The following FGGY variants were observed in gnomAD, a reference collection of about 807,000 sequenced individuals.
FGGY encodes FGGY carbohydrate kinase domain containing, also known as FGGY carbohydrate kinase domain-containing protein.
In FGGY, 72 loss-of-function variants were observed where a neutral mutation model predicts 71.3. The observed-to-expected ratio is 1.01, with a 90% CI of 0.84 to 1.23. The LOEUF is 1.23. FGGY is among the 50% of genes most tolerant of loss of function. The pLI is 0.00. For synonymous variants in FGGY, 251 were observed against 250.3 expected (o/e 1.00, Z -0.02); for missense variants, 668 against 682.3 (o/e 0.98, Z 0.23).
At chr1:59,342,883 G>A (rs2050991823) in intron 3 of FGGY, among the ~76,000 whole-genome samples, 1 of 152,154 alleles carries the variant, frequency 6.6e-6, no homozygotes, top group South Asian at 2.1e-4. Context: ...AGAAAATTCA[G>A]CATTAGTCTA....
chr1:59,697,885 C>T, intron 14 of FGGY: 2 of 372,048 alleles, frequency 5.4e-6, no homozygotes, highest in South Asian at 4.6e-5. Context: ...TCAAATAAGA[C>T]AAGCTTGGGT....
intron 5 of FGGY, chr1:59,393,105 C>T (rs543660163): frequency 7.9e-5 from 12 of 152,344 alleles, no homozygotes; most frequent in Non-Finnish European, 1.6e-4. Context: ...TTAATGGATT[C>T]CAAATGCCAT....
intron 8 of FGGY, among the ~76,000 whole-genome samples, chr1:59,579,134 A>G (rs909134354): frequency 3.9e-5 from 6 of 152,100 alleles, no homozygotes; most frequent in Non-Finnish European, 5.9e-5. Context: ...GTCCTCATTC[A>G]GATCGTTCTG....
intron 14 of FGGY, among the ~76,000 whole-genome samples, chr1:59,690,584 G>T (rs1432921762): frequency 1.3e-5 from 2 of 152,198 alleles, no homozygotes; most frequent in Admixed American, 1.3e-4. Context: ...TGCCATGTTT[G>T]CTGATCTCAC....
rs1037539849 is a variant in FGGY at position 59,297,151 on chromosome 1, G to A, written c.-15+1G>A. On this transcript the variant is annotated splice_donor_variant, in intron 1 of 15. Transcript: ENST00000303721. LOFTEE classifies it low-confidence loss of function (5UTR_SPLICE). Reference sequence around the variant, plus strand: ...TTGAGTCCCCTGTGTCCTCTTCTGGGTGAGGCGTCCGGCCACTTAAGGGAA... The same window carrying A: ...TTGAGTCCCCTGTGTCCTCTTCTGGATGAGGCGTCCGGCCACTTAAGGGAA... 1.3e-5 allele frequency: 2 copies of A among 152,522 alleles called. No homozygotes were observed. Among genetic ancestry groups the A allele is most frequent in the African/African-American group, 4.8e-5 (2 of 41,418 alleles). 9.4% of individuals were successfully genotyped at this position (152,522 alleles called of 1,614,324 possible).
rs566308659 is a variant in FGGY at position 59,534,481 on chromosome 1, C to T, written c.800-19643C>T. Among the ~76,000 whole-genome samples, 207 of 151,910 alleles carry T rather than the reference C, an allele frequency of 1.4e-3. No individual in the cohort carries two copies. The East Asian group carries it at 0.014, about 10-fold the overall frequency. ...ATTCAGATTCAGGAAATACAGAGAA[C>T]GCCACAAAGATACTCCTCGAGAAGA... On this transcript the variant is annotated intron_variant, in intron 7 of 15. Transcript: ENST00000303721.
chr1:59,676,763 G>A (rs2097439698), intron 14 of FGGY, among the ~76,000 whole-genome samples: 2 of 152,158 alleles, frequency 1.3e-5, no homozygotes, highest in Admixed American at 6.5e-5. Context: ...ACCCAAGGAT[G>A]TGTGTGCCTG....
At chr1:59,509,873 C>T (rs984107562) in intron 6 of FGGY, among the ~76,000 whole-genome samples, 4 of 152,132 alleles carry the variant, frequency 2.6e-5, no homozygotes, top group African/African-American at 9.7e-5. Context: ...CCTGCTAATC[C>T]TGTCTAGAAC....
At chr1:59,684,406 T>A (rs2097529017) in intron 14 of FGGY, among the ~76,000 whole-genome samples, 1 of 152,058 alleles carries the variant, frequency 6.6e-6, no homozygotes, top group Admixed American at 6.6e-5. Context: ...GCTGGGAAAG[T>A]CTTCCAGAAG....
chr1:59,579,823 T>C (rs1443620825), intron 8 of FGGY, among the ~76,000 whole-genome samples: 1 of 152,176 alleles, frequency 6.6e-6, no homozygotes, highest in East Asian at 1.9e-4. Context: ...TCAAAACCTT[T>C]CAATAATTTT....
chr1:59,660,460 G>T (rs2097264253), intron 12 of FGGY, 167 bp downstream of exon 12: 2 of 487,128 alleles, frequency 4.1e-6, no homozygotes, highest in Non-Finnish European at 7.2e-6. Flanking sequence ...TTGATGAAAG[G>T]CCTCACCTGC....
intron 6 of FGGY, among the ~76,000 whole-genome samples, chr1:59,482,076 G>T (rs2153568346): frequency 6.6e-6 from 1 of 152,216 alleles, no homozygotes; most frequent in Middle Eastern, 3.4e-3. Flanking sequence ...GGAAGACAGG[G>T]TATCTAATAA....
chr1:59,693,413 C>G (rs1159807391), intron 14 of FGGY, among the ~76,000 whole-genome samples: 3 of 152,230 alleles, frequency 2.0e-5, no homozygotes, highest in African/African-American at 7.2e-5. Flanking sequence ...GGAGGTGGCA[C>G]TGGCACCTCC....
intron 8 of FGGY, among the ~76,000 whole-genome samples, chr1:59,599,682 G>C (rs1411609013): frequency 5.7e-5 from 5 of 87,808 alleles, no homozygotes; most frequent in Non-Finnish European, 1.0e-4. Context: ...GACAGAGCAA[G>C]ACTCAAAAAA....
intron 7 of FGGY, among the ~76,000 whole-genome samples, chr1:59,525,016 G>C (rs148987096): frequency 6.6e-6 from 1 of 152,230 alleles, no homozygotes; most frequent in African/African-American, 2.4e-5. Flanking sequence ...GTGTGACACT[G>C]TCTTTAAGGC....
chr1:59,335,165 C>T (rs1392098107), intron 2 of FGGY, among the ~76,000 whole-genome samples: 1 of 152,188 alleles, frequency 6.6e-6, no homozygotes, highest in Non-Finnish European at 1.5e-5. Context: ...GTGCAATCAT[C>T]ACCTACTCCA....
chr1:59,380,885 G>T (rs1467562621), intron 5 of FGGY, among the ~76,000 whole-genome samples: 3 of 151,404 alleles, frequency 2.0e-5, no homozygotes, highest in Admixed American at 2.0e-4. Flanking sequence ...TGTCCTGAAT[G>T]GTATTGCCTG....
chr1:59,517,875 A>G (rs2094708981), intron 7 of FGGY, among the ~76,000 whole-genome samples: 1 of 152,196 alleles, frequency 6.6e-6, no homozygotes, highest in South Asian at 2.1e-4. Flanking sequence ...CTCTCATTCA[A>G]AGGCAATTGT....
intron 11 of FGGY, among the ~76,000 whole-genome samples, chr1:59,653,361 G>C (rs1056083294): frequency 6.6e-6 from 1 of 152,136 alleles, no homozygotes; most frequent in African/African-American, 2.4e-5. Flanking sequence ...CCTTGCTGCC[G>C]CCTTGCAGTT....
Sources: allele counts gnomAD v4.1 joint callset (sites outside exome capture counted in the v4.1 genomes callset), GRCh38; gene constraint gnomAD v4.1.1; transcripts MANE v1.5; gene names NCBI Gene and HGNC (gene_info 2026-07-23, HGNC 2026-07-21).